The following PARG variants were observed in gnomAD, a reference collection of about 807,000 sequenced individuals.
PARG encodes poly(ADP-ribose) glycohydrolase.
Under a neutral mutation model 113.0 loss-of-function variants are expected in PARG, and 35 were observed. The observed-to-expected ratio is 0.31, with a 90% CI of 0.24 to 0.41. The LOEUF is 0.41. Ranked by LOEUF, PARG falls within the 10% of genes least tolerant of loss-of-function variation. PARG has a pLI of 1.00. For synonymous variants in PARG, 330 were observed against 409.9 expected, an observed-to-expected ratio of 0.81 and a Z score of 2.36; for missense variants, 797 against 1,169.4, an observed-to-expected ratio of 0.68 and a Z score of 4.64.
chr10:49,880,174 A>G (rs1554839188), intron 8 of PARG, among the ~76,000 whole-genome samples: 1 of 152,370 alleles, frequency 6.6e-6, no homozygotes, highest in East Asian at 1.9e-4. Context: ...ACAAAAATAT[A>G]TAACATTGTT....
intron 7 of PARG, among the ~76,000 whole-genome samples, chr10:49,907,327 T>C (rs1836909408): frequency 6.6e-6 from 1 of 152,184 alleles, no homozygotes; most frequent in African/African-American, 2.4e-5. Context: ...CCTGTCATTA[T>C]CATCACAATA....
At chr10:49,912,576 T>C (rs1554846604) in intron 7 of PARG, among the ~76,000 whole-genome samples, 2 of 152,022 alleles carry the variant, frequency 1.3e-5, no homozygotes, top group Non-Finnish European at 2.9e-5. Flanking sequence ...GGCAGGCAAA[T>C]GGCTTGAACC....
intron 7 of PARG, among the ~76,000 whole-genome samples, chr10:49,897,238 T>C (rs1164077743): frequency 6.6e-6 from 1 of 152,232 alleles, no homozygotes; most frequent in Non-Finnish European, 1.5e-5. Context: ...GAAAATATCT[T>C]GCAGAGATGT....
chr10:49,933,533 A>G lies in PARG; in HGVS notation c.915T>C (p.Asp305=). Reference sequence around the variant, plus strand: ...GACAACTATTTTTAGAATTATCCACATCCATCGGTGACTCGGGTTCACTTT... The same window carrying G: ...GACAACTATTTTTAGAATTATCCACGTCCATCGGTGACTCGGGTTCACTTT... ...EKESEPESPM[D]VDNSKNSCQD... Residue 305 remains aspartate (D), a synonymous_variant, in exon 3 of 18, where the codon GAT becomes GAC. Transcript: ENST00000616448. 1.2e-6 allele frequency: 2 copies of G among 1,611,222 alleles called. No individual in the cohort carries two copies. The highest frequency in any genetic ancestry group is 1.1e-5 in the South Asian group (1 of 90,940).
chr10:49,927,303 CAAGAAAGAAAGA>C (rs781927701), intron 4 of PARG, among the ~76,000 whole-genome samples: 1 of 135,106 alleles, frequency 7.4e-6, no homozygotes, highest in African/African-American at 3.0e-5. Context: ...AAGACTCTGT[CAAGAAAGAAAGA>C]AAGAAAGAAA....
At chr10:49,917,981 A>G (rs1368087887) in intron 6 of PARG, among the ~76,000 whole-genome samples, 1 of 152,240 alleles carries the variant, frequency 6.6e-6, no homozygotes, top group Admixed American at 6.5e-5. Context: ...CTATCAATAT[A>G]TTGAACAACA....
chr10:49,905,195 G>A, intron 7 of PARG, among the ~76,000 whole-genome samples: 1 of 152,304 alleles, frequency 6.6e-6, no homozygotes, highest in Non-Finnish European at 1.5e-5. Context: ...TTACCTTTTA[G>A]ATGTCCTCAA....
chr10:49,823,328 A>G (rs1364731178), intron 16 of PARG, among the ~76,000 whole-genome samples: 2 of 152,152 alleles, frequency 1.3e-5, no homozygotes, highest in African/African-American at 4.8e-5. Flanking sequence ...GGAAGAAAAA[A>G]TTTTAAGTTG....
intron 7 of PARG, among the ~76,000 whole-genome samples, chr10:49,886,977 T>C (rs1182002576): frequency 6.6e-6 from 1 of 152,116 alleles, no homozygotes; most frequent in African/African-American, 2.4e-5. Flanking sequence ...ATATCTGAAA[T>C]GTATGAAAAT....
chr10:49,939,284 A>T (rs1216073245), intron 1 of PARG, among the ~76,000 whole-genome samples: 2 of 152,158 alleles, frequency 1.3e-5, no homozygotes, highest in Non-Finnish European at 2.9e-5. Flanking sequence ...GACAACTGCC[A>T]TTTGTTTCTT....
chr10:49,900,416 T>C (rs1394817796), intron 7 of PARG, among the ~76,000 whole-genome samples: 25 of 150,310 alleles, frequency 1.7e-4, no homozygotes, highest in African/African-American at 5.9e-4. Flanking sequence ...ACACAATCAG[T>C]TTAGGAAGAA....
intron 8 of PARG, among the ~76,000 whole-genome samples, chr10:49,880,164 A>T (rs1305445172): frequency 6.6e-6 from 1 of 152,244 alleles, no homozygotes; most frequent in Non-Finnish European, 1.5e-5. Context: ...AAAAGATGAA[A>T]CAAAAATATA....
intron 16 of PARG, among the ~76,000 whole-genome samples, chr10:49,829,498 A>G (rs1844548972): frequency 6.6e-6 from 1 of 152,184 alleles, no homozygotes; most frequent in Admixed American, 6.5e-5. Context: ...TTTTTGTTAC[A>G]AAAACAATAT....
intron 16 of PARG, among the ~76,000 whole-genome samples, chr10:49,827,719 T>C (rs1554829609): frequency 6.6e-6 from 1 of 151,986 alleles, no homozygotes. Flanking sequence ...CTTCACAAAA[T>C]AAGCAAGTAA....
chr10:49,931,672 T>C (rs1303612126), intron 4 of PARG, among the ~76,000 whole-genome samples: 1 of 58,630 alleles, frequency 1.7e-5, no homozygotes, highest in Non-Finnish European at 3.3e-5. Flanking sequence ...ATTTGAGTAA[T>C]AAGAAAACTC....
At chr10:49,879,161 A>C (rs1198080248) in intron 9 of PARG, among the ~76,000 whole-genome samples, 1 of 152,172 alleles carries the variant, frequency 6.6e-6, no homozygotes, top group Non-Finnish European at 1.5e-5. Flanking sequence ...AACCATGTCT[A>C]TAAAGGGTCA....
At chr10:49,831,427 G>C (rs778011882) in intron 16 of PARG, among the ~76,000 whole-genome samples, 2 of 152,046 alleles carry the variant, frequency 1.3e-5, no homozygotes, top group African/African-American at 4.8e-5. Flanking sequence ...GTATAAAAAA[G>C]AATTTTTCTG....
At chr10:49,916,951 T>A (rs1837505232) in intron 6 of PARG, among the ~76,000 whole-genome samples, 1 of 152,072 alleles carries the variant, frequency 6.6e-6, no homozygotes, top group African/African-American at 2.4e-5. Flanking sequence ...TTTTAAAAAA[T>A]TAATACTCTG....
At chr10:49,920,581 T>G in intron 6 of PARG, among the ~76,000 whole-genome samples, 1 of 144,578 alleles carries the variant, frequency 6.9e-6, no homozygotes. Flanking sequence ...CGTGTATATA[T>G]ATACACATAT....
Sources: allele counts gnomAD v4.1 joint callset (sites outside exome capture counted in the v4.1 genomes callset), GRCh38; gene constraint gnomAD v4.1.1; transcripts MANE v1.5; gene names NCBI Gene and HGNC (gene_info 2026-07-23, HGNC 2026-07-21).